COL24A1: variants seen among roughly 807,000 people sequenced by gnomAD.
COL24A1 encodes the protein collagen type XXIV alpha 1 chain.
Under a neutral mutation model 253.9 loss-of-function variants are expected in COL24A1, and 224 were observed. That is an observed-to-expected ratio of 0.88 (90% confidence interval 0.79 to 0.99). The LOEUF is 0.99. COL24A1 is among the 50% of genes least tolerant of loss of function. The probability of loss-of-function intolerance (pLI) is 0.00; values close to 1 mark genes in which losing one functional copy is unlikely to be tolerated. For synonymous variants in COL24A1, 685 were observed against 673.7 expected (o/e 1.02, Z -0.26); for missense variants, 2,131 against 2,068.5 (o/e 1.03, Z -0.59).
intron 32 of COL24A1, among the ~76,000 whole-genome samples, chr1:85,877,411 G>A (rs2102619164): frequency 6.6e-6 from 1 of 152,326 alleles, no homozygotes; most frequent in South Asian, 2.1e-4. Context: ...TGCCCAGGCT[G>A]AAGTGCAATG....
At chr1:85,999,597 G>C (rs1479961551) in intron 19 of COL24A1, among the ~76,000 whole-genome samples, 4 of 151,610 alleles carry the variant, frequency 2.6e-5, no homozygotes, top group Non-Finnish European at 4.4e-5. Flanking sequence ...GCCTGGGTGG[G>C]CAACAGAACA....
chr1:85,955,331 C>A (rs1165677326), intron 24 of COL24A1, among the ~76,000 whole-genome samples: 1 of 152,196 alleles, frequency 6.6e-6, no homozygotes, highest in African/African-American at 2.4e-5. Context: ...AACCTTGCAC[C>A]CATCCTCCAA....
intron 39 of COL24A1, among the ~76,000 whole-genome samples, chr1:85,846,998 G>A (rs1007172890): frequency 1.3e-5 from 2 of 151,990 alleles, no homozygotes; most frequent in East Asian, 1.9e-4. Flanking sequence ...ATGGAAATAC[G>A]CATGCATTTT....
intron 12 of COL24A1, among the ~76,000 whole-genome samples, chr1:86,036,017 T>C (rs1010976094): frequency 6.6e-6 from 1 of 152,166 alleles, no homozygotes; most frequent in Admixed American, 6.6e-5. Context: ...AGAAAAATAA[T>C]GCAATATTCA....
At chr1:85,943,792 T>A (rs749126091) in intron 24 of COL24A1, among the ~76,000 whole-genome samples, 11 of 152,228 alleles carry the variant, frequency 7.2e-5, no homozygotes, top group Non-Finnish European at 1.3e-4. Flanking sequence ...TTCCAAATTA[T>A]GCAATAATGT....
intron 31 of COL24A1, among the ~76,000 whole-genome samples, chr1:85,892,184 A>G (rs952533537): frequency 1.3e-5 from 2 of 152,130 alleles, no homozygotes; most frequent in Non-Finnish European, 2.9e-5. Flanking sequence ...ATGACTTCCA[A>G]TATGATTGAT....
At chr1:85,739,396 A>G (rs1282664764) in intron 57 of COL24A1, among the ~76,000 whole-genome samples, 2 of 152,178 alleles carry the variant, frequency 1.3e-5, no homozygotes, top group African/African-American at 4.8e-5. Context: ...ATGAAGTCCT[A>G]TACCATGACA....
intron 55 of COL24A1, among the ~76,000 whole-genome samples, chr1:85,754,949 G>C (rs990422190): frequency 6.6e-6 from 1 of 152,082 alleles, no homozygotes; most frequent in African/African-American, 2.4e-5. Flanking sequence ...CAAATCTGAT[G>C]CAAAAATATT....
intron 24 of COL24A1, among the ~76,000 whole-genome samples, chr1:85,916,817 G>T (rs1259804435): frequency 6.6e-6 from 1 of 152,058 alleles, no homozygotes; most frequent in African/African-American, 2.4e-5. Context: ...AGTATAAATT[G>T]GTACAATCAC....
intron 43 of COL24A1, among the ~76,000 whole-genome samples, chr1:85,830,679 G>A (rs902196816): frequency 3.9e-5 from 6 of 152,114 alleles, no homozygotes; most frequent in African/African-American, 1.4e-4. Flanking sequence ...AGAGTGACCC[G>A]ATTTTCCAGG....
At chr1:86,069,126 T>C (rs929566158) in intron 7 of COL24A1, among the ~76,000 whole-genome samples, 1 of 152,174 alleles carries the variant, frequency 6.6e-6, no homozygotes, top group Non-Finnish European at 1.5e-5. Flanking sequence ...TTGCACCCTA[T>C]GTACCAGCTT....
chr1:86,010,610 C>T (rs1163268175), intron 19 of COL24A1, among the ~76,000 whole-genome samples: 3 of 152,122 alleles, frequency 2.0e-5, no homozygotes, highest in African/African-American at 7.2e-5. Flanking sequence ...TGAAGATACA[C>T]CTCCAACCGT....
chr1:85,731,845 T>A (rs2100781721), intron 59 of COL24A1, among the ~76,000 whole-genome samples: 1 of 152,292 alleles, frequency 6.6e-6, no homozygotes, highest in African/African-American at 2.4e-5. Flanking sequence ...AAATTTGGAA[T>A]ATAGATGGGC....
chr1:85,959,960 G>C (rs1008738275), intron 24 of COL24A1, among the ~76,000 whole-genome samples: 1 of 152,072 alleles, frequency 6.6e-6, no homozygotes, highest in African/African-American at 2.4e-5. Flanking sequence ...TATTTGACTA[G>C]AAGCCTTTAA....
chr1:85,958,259 C>A (rs1690673544), intron 24 of COL24A1, among the ~76,000 whole-genome samples: 1 of 152,116 alleles, frequency 6.6e-6, no homozygotes, highest in African/African-American at 2.4e-5. Flanking sequence ...CACCCCTTCC[C>A]TGGCTAACTT....
intron 1 of COL24A1, among the ~76,000 whole-genome samples, chr1:86,146,539 T>A (rs962709485): frequency 6.6e-6 from 1 of 151,568 alleles, no homozygotes; most frequent in Non-Finnish European, 1.5e-5. Context: ...GGTATTATTA[T>A]CATATATTAT....
intron 16 of COL24A1, 78 bp from the exon 17 acceptor site, chr1:86,022,669 TAGA>T: frequency 7.0e-7 from 1 of 1,435,850 alleles, no homozygotes; most frequent in Non-Finnish European, 9.5e-7. Context: ...ATATTCATTG[TAGA>T]AGAATAATTT....
chr1:85,851,303 T>G (rs745616079), intron 37 of COL24A1, among the ~76,000 whole-genome samples: 1 of 152,124 alleles, frequency 6.6e-6, no homozygotes, highest in African/African-American at 2.4e-5. Flanking sequence ...CTTAAAAAAA[T>G]GCTACAGGAT....
chr1:86,133,341 A>AT (rs1163697057), intron 2 of COL24A1, among the ~76,000 whole-genome samples: 3 of 152,066 alleles, frequency 2.0e-5, no homozygotes, highest in Admixed American at 6.6e-5. Context: ...AATACCCTTT[A>AT]TTTCCTTCTC....
Sources: allele counts gnomAD v4.1 joint callset (sites outside exome capture counted in the v4.1 genomes callset), GRCh38; gene constraint gnomAD v4.1.1; transcripts MANE v1.5; gene names NCBI Gene and HGNC (gene_info 2026-07-23, HGNC 2026-07-21).